Variants in FBXO25 observed in about 807,000 individuals in gnomAD.
FBXO25 encodes the protein F-box only protein 25.
FBXO25 carries 45 observed loss-of-function variants against 51.9 expected under a neutral mutation model. The ratio of observed to expected loss-of-function variants is 0.87; its 90% CI spans 0.68 to 1.11. The LOEUF (loss-of-function observed/expected upper bound fraction) is 1.11. FBXO25 is among the 50% of genes most tolerant of loss of function. The pLI, the probability that FBXO25 is intolerant of heterozygous loss-of-function variation, is 0.00. For synonymous variants in FBXO25, 199 were observed against 151.0 expected (o/e 1.32, Z -2.33); for missense variants, 507 against 428.5 (o/e 1.18, Z -1.62).
chr8:459,782 C>G (rs1388690890), intron 8 of FBXO25, among the ~76,000 whole-genome samples: 3 of 152,134 alleles, frequency 2.0e-5, no homozygotes, highest in South Asian at 4.1e-4. Context: ...TGGGCAGGGC[C>G]TCAGGGCACC....
intron 4 of FBXO25, among the ~76,000 whole-genome samples, chr8:434,504 G>T (rs1797990038): frequency 2.0e-5 from 3 of 152,182 alleles, no homozygotes; most frequent in African/African-American, 7.2e-5. Context: ...AGTATATTTT[G>T]TTGAGTTGTG....
chr8:432,437 G>A (rs61012540), intron 3 of FBXO25, among the ~76,000 whole-genome samples: 5,453 of 129,400 alleles, frequency 0.042, 132 homozygotes, highest in African/African-American at 0.083. Flanking sequence ...CTGTGAATAC[G>A]GGGGGACTAC....
intron 9 of FBXO25, chr8:467,766 C>G (rs753248273): frequency 6.2e-7 from 1 of 1,613,750 alleles, no homozygotes; most frequent in Non-Finnish European, 8.5e-7. Flanking sequence ...TGTCTTGCCA[C>G]ACATCCTGTG....
rs1800616089 is a variant in FBXO25 at position 475,521 on chromosome 8, T to C, written c.*6717T>C. On this transcript the variant is annotated 3_prime_UTR_variant, in exon 10 of 10. Coordinates refer to ENST00000350302, the MANE Select transcript of FBXO25 (RefSeq NM_183420.2). ...GAAATCTATAGATTGCTTTGGACTA[T>C]GGACATCTTAAGGTATCCAATCCAT... The C allele has an allele frequency of 6.6e-6, 1 of 152,538 alleles. No homozygotes were observed. Among genetic ancestry groups the C allele is most frequent in the South Asian group, 2.1e-4 (1 of 4,842 alleles). The allele number at this position is 152,538 out of a possible 1,614,324, so 9.4% of individuals were successfully genotyped here.
chr8:453,999 C>T (rs934373617), intron 7 of FBXO25, among the ~76,000 whole-genome samples: 19 of 152,092 alleles, frequency 1.2e-4, no homozygotes, highest in African/African-American at 4.3e-4. Flanking sequence ...TGGCAGGTAC[C>T]TGTAGTCACA....
At chr8:416,771 A>G (rs1014368631) in intron 2 of FBXO25, among the ~76,000 whole-genome samples, 2 of 152,364 alleles carry the variant, frequency 1.3e-5, no homozygotes, top group East Asian at 1.9e-4. Context: ...AGGATTTACT[A>G]TGTGCTGTGG....
At chr8:412,089 T>A (rs184489488) in intron 1 of FBXO25, among the ~76,000 whole-genome samples, 1 of 152,372 alleles carries the variant, frequency 6.6e-6, no homozygotes, top group Non-Finnish European at 1.5e-5. Flanking sequence ...CTCACTCTTA[T>A]CAAATTGTGA....
At chr8:456,705 A>C (rs1799459227) in intron 7 of FBXO25, among the ~76,000 whole-genome samples, 1 of 152,194 alleles carries the variant, frequency 6.6e-6, no homozygotes, top group African/African-American at 2.4e-5. Context: ...AGCAGTGTTG[A>C]GGCCCCACTC....
chr8:459,172 G>A lies in FBXO25; in HGVS notation c.843+621G>A, dbSNP rs1342522263. 2.0e-5 allele frequency among the ~76,000 whole-genome samples: 3 copies of A among 152,242 alleles called. No individual in the cohort carries two copies. The East Asian group carries it at 5.8e-4, about 29-fold the overall frequency. ...CCCTCGTCACCCCACAGATGTCCAA[G>A]GCACCTGCTCTGCACAGGGCTGGTC... is the stretch of plus-strand genomic sequence containing the variant. On this transcript the variant is annotated intron_variant, in intron 8 of 9. Coordinates refer to ENST00000350302, the MANE Select transcript of FBXO25 (RefSeq NM_183420.2).
intron 2 of FBXO25, among the ~76,000 whole-genome samples, chr8:419,605 G>C (rs1411056848): frequency 1.3e-5 from 2 of 152,064 alleles, no homozygotes; most frequent in Non-Finnish European, 2.9e-5. Flanking sequence ...AACTAGATGT[G>C]TATATGCAAA....
At chr8:468,370 CAG>C (rs1666256110) in intron 9 of FBXO25, 1 of 713,036 alleles carries the variant, frequency 1.4e-6, no homozygotes, top group African/African-American at 1.9e-5. Flanking sequence ...GACCAGAGGA[CAG>C]AAAGTCCCCA....
rs7864 is a variant in FBXO25, at chr8:477,913, T to G, written c.*9109T>G. On this transcript the variant is annotated 3_prime_UTR_variant, in exon 10 of 10. Transcript: ENST00000350302. ...TTGGCCTGTATTTCACTTGCCAACC[T>G]GATTTATACTTTTGTATCTATTTGA... 1.3e-5 allele frequency: 2 copies of G among 152,048 alleles called. No individual in the cohort carries two copies. The highest frequency in any genetic ancestry group is 2.1e-4 in the South Asian group (1 of 4,836). 9.4% of individuals were successfully genotyped at this position (152,048 alleles called of 1,614,324 possible). A position where few individuals can be genotyped will look rare whatever the true frequency, so the allele number is the denominator to read the frequency against.
At chr8:416,149 C>T (rs1042566834) in intron 2 of FBXO25, among the ~76,000 whole-genome samples, 27 of 152,218 alleles carry the variant, frequency 1.8e-4, no homozygotes, top group Non-Finnish European at 1.3e-4. Flanking sequence ...GTTTCTTGGT[C>T]ATCTGCTATG....
At chr8:417,692 C>G (rs779752451) in intron 2 of FBXO25, among the ~76,000 whole-genome samples, 1 of 152,190 alleles carries the variant, frequency 6.6e-6, no homozygotes, top group African/African-American at 2.4e-5. Context: ...ATTGCATGTT[C>G]ATCCTTTTCC....
At chr8:467,347 A>C (rs1434896870) in intron 9 of FBXO25, among the ~76,000 whole-genome samples, 1 of 152,214 alleles carries the variant, frequency 6.6e-6, no homozygotes, top group African/African-American at 2.4e-5. Context: ...TCCCCAAAAA[A>C]ATCTGTTATA....
At position 413,369 on chromosome 8, in the gene FBXO25, A is replaced by G. The variant is rs561687119; in HGVS notation, c.134+156A>G. Reference sequence around the variant, plus strand: ...AGTTGTTTAGCTAAAAAATGAGGCTAGTAGATTGCCTAATATTCATACACA... The same window carrying G: ...AGTTGTTTAGCTAAAAAATGAGGCTGGTAGATTGCCTAATATTCATACACA... On this transcript the variant is annotated intron_variant, in intron 2 of 9. Transcript: ENST00000350302. Among the ~76,000 whole-genome samples the G allele has an allele frequency of 1.4e-4, 21 of 152,250 alleles. No homozygotes were observed. The South Asian group carries it at 3.3e-3, about 24-fold the overall frequency.
Position 451,189 on chromosome 8 carries a change from A to G in FBXO25, c.476-80A>G. On this transcript the variant is annotated intron_variant, in intron 6 of 9. Transcript: ENST00000350302. ...TTTGTCTGTTCGTCTATCAGTGGAC[A>G]TTTGGGTTATGAAACTAGATCTTTT... The G allele has an allele frequency of 2.4e-6, 3 of 1,233,970 alleles. No homozygotes were observed. In the South Asian group the frequency reaches 4.5e-5, roughly 19 times the overall value. 76.4% of individuals were successfully genotyped at this position (1,233,970 alleles called of 1,614,324 possible).
chr8:422,568 G>T (rs181050964), intron 2 of FBXO25, among the ~76,000 whole-genome samples: 20 of 152,212 alleles, frequency 1.3e-4, no homozygotes, highest in Non-Finnish European at 1.8e-4. Context: ...CTCTTCTGGT[G>T]TTGATCCTTG....
In FBXO25 at chr8:450,193, T is replaced by C. The variant is rs959634440; in HGVS notation, c.475+110T>C. On this transcript the variant is annotated intron_variant, in intron 6 of 9. Coordinates refer to ENST00000350302, the MANE Select transcript of FBXO25 (RefSeq NM_183420.2). ...CCAGTACACATACTGTCAAAAACAATTGTGTAAATAATGTGATAACATCAG... is the reference window on the plus strand; with the variant it reads ...CCAGTACACATACTGTCAAAAACAACTGTGTAAATAATGTGATAACATCAG... The C allele has an allele frequency of 3.2e-5, 20 of 628,064 alleles. No individual in the cohort carries two copies. The East Asian group carries it at 6.0e-4, about 19-fold the overall frequency. 38.9% of individuals were successfully genotyped at this position (628,064 alleles called of 1,614,324 possible).
Sources: allele counts gnomAD v4.1 joint callset (sites outside exome capture counted in the v4.1 genomes callset), GRCh38; gene constraint gnomAD v4.1.1; transcripts MANE v1.5; gene names NCBI Gene and HGNC (gene_info 2026-07-23, HGNC 2026-07-21).